The following GGT7 variants were observed in gnomAD, a reference collection of about 807,000 sequenced individuals.
GGT7 encodes the protein gamma-glutamyltransferase 7.
Under a neutral mutation model 69.2 loss-of-function variants are expected in GGT7, and 30 were observed. The observed-to-expected ratio is 0.43, with a 90% CI of 0.32 to 0.59. The LOEUF is 0.59. GGT7 is among the 20% of genes least tolerant of loss of function. GGT7 has a pLI of 0.05. For missense variants in GGT7, 733 were observed against 901.1 expected (o/e 0.81, Z 2.39); for synonymous variants, 388 against 391.8 (o/e 0.99, Z 0.12).
intron 14 of GGT7, among the ~76,000 whole-genome samples, chr20:34,846,312 C>CGTTCT (rs2079306592): frequency 8.4e-6 from 1 of 119,308 alleles, no homozygotes. Context: ...TTCTTTCTTT[C>CGTTCT]TTTTTTTTGA....
intron 1 of GGT7, among the ~76,000 whole-genome samples, chr20:34,864,740 A>AG (rs1451677438): frequency 1.2e-4 from 18 of 150,204 alleles, no homozygotes; most frequent in Admixed American, 8.0e-4. Context: ...AAAAAAAAAA[A>AG]GGAAGATATG....
chr20:34,869,897 CA>C (rs2079753736), intron 1 of GGT7, among the ~76,000 whole-genome samples: 1 of 152,198 alleles, frequency 6.6e-6, no homozygotes, highest in Non-Finnish European at 1.5e-5. Flanking sequence ...GAAAGGAACA[CA>C]AGGGCTTGGA....
In GGT7 at chr20:34,844,974, G is replaced by T. The variant is rs555539696; in HGVS notation, c.*354C>A. 532 of 252,236 alleles carry T rather than the reference G, an allele frequency of 2.1e-3. 2 individuals carry two copies. The highest frequency in any genetic ancestry group is 2.9e-3 in the Non-Finnish European group (376 of 130,298). 15.6% of individuals were successfully genotyped at this position (252,236 alleles called of 1,614,324 possible). A position where few individuals can be genotyped will look rare whatever the true frequency, so the allele number is the denominator to read the frequency against. ...AGGCCAGTCTGAAGATGTTGGGGTT[G>T]TGAGACCCTTGAGAAGGGTTTGCAA... On this transcript the variant is annotated 3_prime_UTR_variant, in exon 15 of 15. Coordinates refer to ENST00000336431, the MANE Select transcript of GGT7 (RefSeq NM_178026.3).
rs1254913146 is a variant in GGT7 at position 34,852,465 on chromosome 20, A to T, written c.1393T>A (p.Tyr465Asn). 17 of 1,612,976 alleles carry T rather than the reference A, an allele frequency of 1.1e-5. No individual in the cohort carries two copies. The highest frequency in any genetic ancestry group is 1.4e-5 in the Non-Finnish European group (17 of 1,179,566). Reference sequence around the variant, plus strand: ...GCCGTGGGAGCTCCGTCTAGTTCATAGACAGGCAGGAGTGGGGCAGGGGCT... The same window carrying T: ...GCCGTGGGAGCTCCGTCTAGTTCATTGACAGGCAGGAGTGGGGCAGGGGCT... ...QAAPAPLLPV[Y>N]ELDGAPTAAQ... The change falls in exon 11 of 15, where the codon TAT becomes AAT. Residue 465 changes from tyrosine to asparagine, a missense_variant. Physicochemically the swap from Tyr to Asn is moderately radical, Grantham distance 143. Coordinates refer to ENST00000336431, the MANE Select transcript of GGT7 (RefSeq NM_178026.3).
Position 34,863,208 on chromosome 20 carries a change from T to C in GGT7, c.405+105A>G. On this transcript the variant is annotated intron_variant, in intron 2 of 14. Transcript: ENST00000336431. This position sits in a 1 kb window ranked among gnomAD's most constrained non-coding sequence, Gnocchi z 4.4. ...CTTCCTCTCCCAAGTCACCACCCTC[T>C]CTCCCCTTCTACCACTCAGCCATTC... 1.1e-6 allele frequency: 1 copy of C among 917,694 alleles called. No individual in the cohort carries two copies. The highest frequency in any genetic ancestry group is 1.7e-6 in the Non-Finnish European group (1 of 592,784). 56.8% of individuals were successfully genotyped at this position (917,694 alleles called of 1,614,324 possible).
intron 14 of GGT7, among the ~76,000 whole-genome samples, chr20:34,845,888 C>T (rs896508264): frequency 2.6e-5 from 4 of 151,962 alleles, no homozygotes; most frequent in Non-Finnish European, 5.9e-5. Context: ...AGGGAGACCC[C>T]ATCTCTACAG....
rs751665024 is a variant in GGT7, at chr20:34,861,439, C to T, written c.675+6G>A. On this transcript the variant is annotated splice_donor_region_variant and intron_variant, in intron 4 of 14. Coordinates refer to ENST00000336431, the MANE Select transcript of GGT7 (RefSeq NM_178026.3). ...CTGAACTCTCTCTTCTCACCAGGGT[C>T]CCCACCTTGGTCTCCCAGGATCTTT... The T allele has an allele frequency of 1.4e-6, 2 of 1,457,944 alleles. No individual in the cohort carries two copies. Among genetic ancestry groups the T allele is most frequent in the Non-Finnish European group, 1.9e-6 (2 of 1,054,780 alleles). 90.3% of individuals were successfully genotyped at this position (1,457,944 alleles called of 1,614,324 possible). A position where few individuals can be genotyped will look rare whatever the true frequency, so the allele number is the denominator to read the frequency against.
intron 3 of GGT7, among the ~76,000 whole-genome samples, chr20:34,862,355 C>G (rs1254152933): frequency 6.6e-6 from 1 of 152,206 alleles, no homozygotes; most frequent in African/African-American, 2.4e-5. Flanking sequence ...AGTTCAGTGT[C>G]TAAACCAAAC....
chr20:34,848,092 CA>C (rs2079328623), intron 14 of GGT7, among the ~76,000 whole-genome samples: 1 of 151,904 alleles, frequency 6.6e-6, no homozygotes, highest in Non-Finnish European at 1.5e-5. Flanking sequence ...GACTCTATCT[CA>C]AAAAAATAAT....
intron 4 of GGT7, among the ~76,000 whole-genome samples, chr20:34,860,662 T>TTTTTTG (rs2079579403): frequency 8.4e-6 from 1 of 119,018 alleles, no homozygotes; most frequent in South Asian, 2.6e-4. Context: ...TTTTTTTTTT[T>TTTTTTG]CCTGTTACCC....
chr20:34,864,576 C>A (rs1030273222), intron 1 of GGT7, among the ~76,000 whole-genome samples: 16 of 152,028 alleles, frequency 1.1e-4, no homozygotes, highest in Non-Finnish European at 2.2e-4. Context: ...CAAAAATTAG[C>A]TGGGCATGGT....
chr20:34,845,274 G>A lies in GGT7; in HGVS notation c.*54C>T. 1 of 1,530,690 alleles carries A rather than the reference G, an allele frequency of 6.5e-7. No homozygotes were observed. The highest frequency in any genetic ancestry group is 8.9e-7 in the Non-Finnish European group (1 of 1,126,076). The allele number at this position is 1,530,690 out of a possible 1,614,324, so 94.8% of individuals were successfully genotyped here. ...TGAGACCAAACCTGGGAGAAGGAGG[G>A]ACTCTGGGAACATGCAAAGTGGGGG... On this transcript the variant is annotated 3_prime_UTR_variant, in exon 15 of 15. Transcript: ENST00000336431.
intron 1 of GGT7, chr20:34,872,378 C>T (rs1444828787): frequency 3.0e-6 from 1 of 328,006 alleles, no homozygotes; most frequent in Non-Finnish European, 5.5e-6. Context: ...AACATTCCTT[C>T]ATCGTTAGTT....
rs1186427115 is a variant in GGT7 at position 34,863,799 on chromosome 20, T to C, written c.170-251A>G. On this transcript the variant is annotated intron_variant, in intron 1 of 14. Transcript: ENST00000336431. This position sits in a 1 kb window ranked among gnomAD's most constrained non-coding sequence, Gnocchi z 4.4. ...TGGATTCCCGCCCCTCCCTGATACCTAGGCCAAATTTCCTGGCACCCAGGG... is the reference window on the plus strand; with the variant it reads ...TGGATTCCCGCCCCTCCCTGATACCCAGGCCAAATTTCCTGGCACCCAGGG... 3 of 690,116 alleles carry C rather than the reference T, an allele frequency of 4.3e-6. No individual in the cohort carries two copies. The African/African-American group carries it at 5.3e-5, about 12-fold the overall frequency. 42.7% of individuals were successfully genotyped at this position (690,116 alleles called of 1,614,324 possible). A position where few individuals can be genotyped will look rare whatever the true frequency, so the allele number is the denominator to read the frequency against.
chr20:34,849,250 C>T (rs748847900), intron 14 of GGT7, among the ~76,000 whole-genome samples: 9 of 151,544 alleles, frequency 5.9e-5, no homozygotes, highest in Non-Finnish European at 1.0e-4. Flanking sequence ...GTAACCTCTG[C>T]CTCCCTGGTT....
chr20:34,868,815 G>A (rs970777501), intron 1 of GGT7, among the ~76,000 whole-genome samples: 5 of 152,208 alleles, frequency 3.3e-5, no homozygotes, highest in Non-Finnish European at 5.9e-5. Context: ...ATGTAAGCCT[G>A]TAGCTGCTGG....
At position 34,863,575 on chromosome 20, in the gene GGT7, T is replaced by A; in HGVS notation, c.170-27A>T. 6.8e-7 allele frequency: 1 copy of A among 1,480,576 alleles called. No individual in the cohort carries two copies. Among genetic ancestry groups the A allele is most frequent in the Non-Finnish European group, 9.2e-7 (1 of 1,083,768 alleles). 91.7% of individuals were successfully genotyped at this position (1,480,576 alleles called of 1,614,324 possible). ...TGCGGGCAGGCAGCCGGGGTCGGTC[T>A]GGGCATCTCCTATCTGGCCCTGCCC... On this transcript the variant is annotated intron_variant, in intron 1 of 14. Transcript: ENST00000336431. The surrounding 1 kb of genome is among the most constrained non-coding windows in gnomAD (Gnocchi z 4.4).
In GGT7 at chr20:34,851,276, A is replaced by G. The variant is rs768285988; in HGVS notation, c.1680T>C (p.Ala560=). The G allele has an allele frequency of 6.2e-7, 1 of 1,613,938 alleles. No homozygotes were observed. Among genetic ancestry groups the G allele is most frequent in the South Asian group, 1.1e-5 (1 of 91,084 alleles). Residue 560 remains alanine (A), a synonymous_variant, in exon 13 of 15, where the codon GCT becomes GCC. Transcript: ENST00000336431. ...CCCGCGCAGCTCCATTGGCCCCCAGAGCGAGGTAGGTTCCACAGAGCCCCT... is the reference window on the plus strand; with the variant it reads ...CCCGCGCAGCTCCATTGGCCCCCAGGGCGAGGTAGGTTCCACAGAGCCCCT... The part of the protein sequence containing the change: ...PAEGLCGTYL[A]LGANGAARGL...
chr20:34,860,130 C>T (rs1373247736), intron 5 of GGT7, 88 bp from the exon 6 acceptor site: 2 of 1,015,736 alleles, frequency 2.0e-6, no homozygotes, highest in Non-Finnish European at 3.1e-6. Flanking sequence ...GAAGGAGAGT[C>T]CTGGCAAGGG....
Sources: gnomAD v4.1 joint callset for allele counts (sites outside exome capture counted in the v4.1 genomes callset) on GRCh38, gnomAD v4.1.1 for gene constraint, Gnocchi (gnomAD v3.1) non-coding constraint, MANE v1.5 for transcripts, NCBI Gene and HGNC (gene_info 2026-07-23, HGNC 2026-07-21) for gene names.